Variants in TLDC2 observed in about 807,000 individuals in gnomAD.
TLDC2 encodes TLD domain-containing protein 2.
In TLDC2, 23 loss-of-function variants were observed where a neutral mutation model predicts 27.9. That is an observed-to-expected ratio of 0.82 (90% CI 0.59 to 1.17). TLDC2 has a LOEUF of 1.17. Among genes scored for constraint, TLDC2 ranks in the 50% most tolerant of loss-of-function variants. TLDC2 has a pLI of 0.00. For synonymous variants in TLDC2, 124 were observed against 107.4 expected, an observed-to-expected ratio of 1.16 and a Z score of -0.96; for missense variants, 286 against 273.4, an observed-to-expected ratio of 1.05 and a Z score of -0.32.
chr20:36,887,536 T>C lies in TLDC2; in HGVS notation c.512+8T>C, dbSNP rs779494085. On this transcript the variant is annotated splice_region_variant and intron_variant, in intron 5 of 6. Transcript: ENST00000217320. ...GATGATGGGCAGTGGCAGGTGAGTGTCTCAGTCTTCCCGAGTCTTGGGGCG... is the reference window on the plus strand; with the variant it reads ...GATGATGGGCAGTGGCAGGTGAGTGCCTCAGTCTTCCCGAGTCTTGGGGCG... The C allele has an allele frequency of 6.2e-7, 1 of 1,613,358 alleles. No individual in the cohort carries two copies. Among genetic ancestry groups the C allele is most frequent in the Non-Finnish European group, 8.5e-7 (1 of 1,179,312 alleles).
intron 5 of TLDC2, 82 bp from the exon 6 acceptor site, chr20:36,889,169 C>A: frequency 6.4e-7 from 1 of 1,566,156 alleles, no homozygotes; most frequent in Non-Finnish European, 8.7e-7. Flanking sequence ...CCTGGCATGG[C>A]CAAGAGCTGA....
rs114235459 is a variant in TLDC2 at position 36,886,421 on chromosome 20, T to C, written c.439-1034T>C. On this transcript the variant is annotated intron_variant, in intron 4 of 6. Transcript: ENST00000217320. The stretch of plus-strand genomic sequence containing the variant: ...CCAGCCTGGGCAACATGGTGAAACC[T>C]GTTTCTACTAAAATACAAAAAGTTA... Among the ~76,000 whole-genome samples the C allele has an allele frequency of 4.0e-3, 616 of 152,178 alleles. 5 individuals carry two copies. The highest frequency in any genetic ancestry group is 0.014 in the Middle Eastern group (4 of 294).
rs1040383234 is a variant in TLDC2, at chr20:36,893,607, G to A, written c.*763G>A. On this transcript the variant is annotated 3_prime_UTR_variant, in exon 7 of 7. Transcript: ENST00000217320. ...AAAATAAGGGAGAGATCCAAAGGGA[G>A]GCGATACAATGACGTGAAACCATAG... The A allele has an allele frequency of 1.2e-5, 4 of 336,790 alleles. No homozygotes were observed. The highest frequency in any genetic ancestry group is 4.3e-5 in the African/African-American group (2 of 47,002). The allele number at this position is 336,790 out of a possible 1,614,324, so 20.9% of individuals were successfully genotyped here.
At position 36,878,023 on chromosome 20, in the gene TLDC2, G is replaced by C. The variant is rs1239129712; in HGVS notation, c.158G>C (p.Ser53Thr). 8.1e-6 allele frequency: 13 copies of C among 1,614,002 alleles called. No homozygotes were observed. Among genetic ancestry groups the C allele is most frequent in the Non-Finnish European group, 1.1e-5 (13 of 1,179,936 alleles). The change falls in exon 2 of 7, where the codon AGC (serine) becomes ACC (threonine). Residue 53 changes from serine to threonine, a missense_variant. Physicochemically the swap from Ser to Thr is moderately conservative, Grantham distance 58. Transcript: ENST00000217320. ...ACGGTGCCCCAGCTGACAGAAGCCA[G>C]CCAGGTTTTGAGTGCCTCAGAGATT... ...DPTVPQLTEA[S>T]QVLSASEIRQ... is the part of the protein sequence containing the mutation.
In TLDC2 at chr20:36,893,051, C is replaced by T. The variant is rs751545200; in HGVS notation, c.*207C>T. ...TTTTTTTGAGGTGTTATGAGTGGGG[C>T]TATAACATCGCCATCCTATTAGGAA... On this transcript the variant is annotated 3_prime_UTR_variant, in exon 7 of 7. Transcript: ENST00000217320. 5 of 1,613,230 alleles carry T rather than the reference C, an allele frequency of 3.1e-6. No individual in the cohort carries two copies. Among genetic ancestry groups the T allele is most frequent in the Non-Finnish European group, 4.2e-6 (5 of 1,179,952 alleles).
At chr20:36,889,668 A>C in intron 6 of TLDC2, 2 of 291,094 alleles carry the variant, frequency 6.9e-6, no homozygotes, top group Non-Finnish European at 6.3e-6. Flanking sequence ...AAAAATCCAC[A>C]TCTCTTCCCC....
Position 36,879,051 on chromosome 20 carries a change from A to T in TLDC2, c.200A>T (p.His67Leu). The change falls in exon 3 of 7, where the codon CAC becomes CTC. Residue 67 changes from histidine to leucine, a missense_variant. His to Leu is a moderately conservative substitution (Grantham distance 99). Transcript: ENST00000217320. ...CAACCCTGTCCCCAGCTCAGCTTTC[A>T]CTTCCCACCAAGAGTCACCGGCCAT... ...SASEIRQLSF[H>L]FPPRVTGHPW... The T allele has an allele frequency of 5.6e-6, 9 of 1,613,982 alleles. No homozygotes were observed. The highest frequency in any genetic ancestry group is 6.8e-6 in the Non-Finnish European group (8 of 1,179,976).
At chr20:36,885,173 G>C (rs891960653) in intron 4 of TLDC2, among the ~76,000 whole-genome samples, 1 of 152,128 alleles carries the variant, frequency 6.6e-6, no homozygotes, top group Non-Finnish European at 1.5e-5. Context: ...CACCGTGCCC[G>C]GCCAGAGAAC....
At chr20:36,886,876 C>T (rs1989932591) in intron 4 of TLDC2, among the ~76,000 whole-genome samples, 1 of 152,148 alleles carries the variant, frequency 6.6e-6, no homozygotes, top group African/African-American at 2.4e-5. Context: ...CATTGGAGGA[C>T]TTAGGCAGAG....
At chr20:36,887,870 G>A (rs1289953259) in intron 5 of TLDC2, among the ~76,000 whole-genome samples, 1 of 152,006 alleles carries the variant, frequency 6.6e-6, no homozygotes, top group East Asian at 1.9e-4. Flanking sequence ...GAATTGCAGG[G>A]GACATAACTC....
At chr20:36,887,617 T>G (rs960131524) in intron 5 of TLDC2, 89 bp downstream of exon 5, 1 of 1,271,802 alleles carries the variant, frequency 7.9e-7, no homozygotes, top group African/African-American at 1.5e-5. Context: ...CTGCCCTTGA[T>G]GCAATGGCGA....
chr20:36,881,809 G>A (rs1465533516), intron 4 of TLDC2, among the ~76,000 whole-genome samples: 1 of 152,226 alleles, frequency 6.6e-6, no homozygotes, highest in African/African-American at 2.4e-5. Flanking sequence ...TCAAAGGCTT[G>A]GAGCAGTGAC....
Position 36,879,391 on chromosome 20 carries a change from G to A in TLDC2, c.342+198G>A, listed in dbSNP as rs558630153. 3.9e-5 allele frequency among the ~76,000 whole-genome samples: 6 copies of A among 152,320 alleles called. No homozygotes were observed. The South Asian group carries it at 6.2e-4, about 16-fold the overall frequency. On this transcript the variant is annotated intron_variant, in intron 3 of 6. Transcript: ENST00000217320. ...TGCATTCAACACATCTACATGGGGCGCCTTCTGTGTGCCAGGTGAGAGGTG... is the reference window on the plus strand; with the variant it reads ...TGCATTCAACACATCTACATGGGGCACCTTCTGTGTGCCAGGTGAGAGGTG...
At chr20:36,890,251 AG>A (rs1246136263) in intron 6 of TLDC2, 10 of 152,202 alleles carry the variant, frequency 6.6e-5, no homozygotes, top group Non-Finnish European at 1.5e-4. Context: ...GCTTTATTGC[AG>A]CTGTTTCCCT....
rs1989723606 is a variant in TLDC2, at chr20:36,878,379, G to A, written c.189+325G>A. Among the ~76,000 whole-genome samples the A allele has an allele frequency of 4.6e-5, 7 of 152,234 alleles. No individual in the cohort carries two copies. The South Asian group carries it at 6.2e-4, about 14-fold the overall frequency. On this transcript the variant is annotated intron_variant, in intron 2 of 6. Transcript: ENST00000217320. ...GGGGATCGCTTGAGGCCAGGAGCTG[G>A]AGACGAGCCTGGCCAACATGGCAAA...
chr20:36,889,495 T>G, intron 6 of TLDC2, 92 bp downstream of exon 6: 7 of 1,428,952 alleles, frequency 4.9e-6, no homozygotes, highest in Non-Finnish European at 6.5e-6. Context: ...GCCCTAGAGT[T>G]GGCCGAGGCT....
intron 4 of TLDC2, among the ~76,000 whole-genome samples, chr20:36,882,209 A>G (rs1026901917): frequency 1.3e-5 from 2 of 152,220 alleles, no homozygotes; most frequent in African/African-American, 4.8e-5. Context: ...GCTATTGAGC[A>G]GTACCTGCTT....
chr20:36,877,390 AAAAAAAG>A (rs1989694997), intron 1 of TLDC2, among the ~76,000 whole-genome samples: 1 of 151,750 alleles, frequency 6.6e-6, no homozygotes, highest in Non-Finnish European at 1.5e-5. Flanking sequence ...CAAAAAAAAA[AAAAAAAG>A]GAAAAAGAAA....
At chr20:36,888,461 C>T (rs1989975359) in intron 5 of TLDC2, among the ~76,000 whole-genome samples, 1 of 151,922 alleles carries the variant, frequency 6.6e-6, no homozygotes, top group Non-Finnish European at 1.5e-5. Context: ...AATCCCAGCA[C>T]TTTGGGAGGC....
Sources: gnomAD v4.1 joint callset for allele counts (sites outside exome capture counted in the v4.1 genomes callset) on GRCh38, gnomAD v4.1.1 for gene constraint, MANE v1.5 for transcripts, NCBI Gene and HGNC (gene_info 2026-07-23, HGNC 2026-07-21) for gene names.